Variants in FMNL3 observed in about 807,000 individuals in gnomAD.
FMNL3 encodes the protein formin like 3.
A neutral mutation model predicts 119.6 loss-of-function variants in FMNL3; 57 were observed. The ratio of observed to expected loss-of-function variants is 0.48; its 90% CI spans 0.39 to 0.59. The LOEUF (loss-of-function observed/expected upper bound fraction) is 0.59. Among genes scored for constraint, FMNL3 ranks in the 20% least tolerant of loss-of-function variants. The pLI, the probability that FMNL3 is intolerant of heterozygous loss-of-function variation, is 0.00. For synonymous variants in FMNL3, 491 were observed against 507.3 expected, an observed-to-expected ratio of 0.97 and a Z score of 0.43; for missense variants, 1,053 against 1,323.5, an observed-to-expected ratio of 0.80 and a Z score of 3.17.
chr12:49,666,426 C>A (rs1027754887), intron 2 of FMNL3, among the ~76,000 whole-genome samples: 7 of 152,268 alleles, frequency 4.6e-5, no homozygotes, highest in Admixed American at 3.3e-4. Context: ...AATTAGTGCT[C>A]CCTGAGCCTA....
chr12:49,707,101 G>A lies in FMNL3; in HGVS notation c.80C>T (p.Pro27Leu). Reference sequence around the variant, plus strand: ...CTCCAGCTCACAGGGCTCAGGCATCGGCATCTTGCCGGGCGGCAGCAACAA... The same window carrying A: ...CTCCAGCTCACAGGGCTCAGGCATCAGCATCTTGCCGGGCGGCAGCAACAA... ...VPLLLPPGKM[P>L]MPEPCELEER... Residue 27 changes from proline to leucine, a missense_variant, in exon 1 of 26, where the codon CCG (proline) becomes CTG (leucine). By Grantham distance (98) the Pro-to-Leu change is moderately conservative. Coordinates refer to ENST00000335154, the MANE Select transcript of FMNL3 (RefSeq NM_175736.5). 4 of 1,602,142 alleles carry A rather than the reference G, an allele frequency of 2.5e-6. No individual in the cohort carries two copies. The highest frequency in any genetic ancestry group is 1.1e-5 in the South Asian group (1 of 89,096).
At chr12:49,655,289 G>A (rs868660565) in intron 9 of FMNL3, among the ~76,000 whole-genome samples, 22 of 152,236 alleles carry the variant, frequency 1.4e-4, no homozygotes, top group African/African-American at 4.3e-4. Context: ...AAAATTAGCC[G>A]GGCATGGTGG....
At position 49,636,891 on chromosome 12, in the gene FMNL3, C is replaced by T; in HGVS notation, c.*8924G>A. ...TTCTAGATCAGAGCTCAGCTCTGCC[C>T]TAGAGCACAACCTCTTCACCCATTC... On this transcript the variant is annotated 3_prime_UTR_variant, in exon 26 of 26. Transcript: ENST00000335154. The T allele has an allele frequency of 6.2e-7, 1 of 1,611,542 alleles. No homozygotes were observed. The highest frequency in any genetic ancestry group is 8.5e-7 in the Non-Finnish European group (1 of 1,179,596).
intron 1 of FMNL3, among the ~76,000 whole-genome samples, chr12:49,694,539 C>CCG (rs1944699297): frequency 6.6e-6 from 1 of 152,166 alleles, no homozygotes; most frequent in African/African-American, 2.4e-5. Context: ...TCCAAAATGT[C>CCG]TGTACCGAAT....
At chr12:49,677,885 T>TG (rs1341080649) in intron 1 of FMNL3, among the ~76,000 whole-genome samples, 3 of 152,178 alleles carry the variant, frequency 2.0e-5, no homozygotes, top group Non-Finnish European at 4.4e-5. Flanking sequence ...ATTTTTGAGA[T>TG]GGAGTCTCGC....
At chr12:49,653,502 C>T (rs1001086171) in intron 12 of FMNL3, among the ~76,000 whole-genome samples, 175 bp from the exon 13 acceptor site, 4 of 152,246 alleles carry the variant, frequency 2.6e-5, no homozygotes, top group Admixed American at 6.5e-5. Context: ...CACATTCTGA[C>T]TGTCTCAAGA....
Position 49,647,917 on chromosome 12 carries a change from C to G in FMNL3, c.2677-113G>C. 1 of 910,958 alleles carries G rather than the reference C, an allele frequency of 1.1e-6. No individual in the cohort carries two copies. Among genetic ancestry groups the G allele is most frequent in the Non-Finnish European group, 1.7e-6 (1 of 601,018 alleles). The allele number at this position is 910,958 out of a possible 1,614,324, so 56.4% of individuals were successfully genotyped here. ...AGCCCAGGGCCAAAGGGAGGAAAAC[C>G]AAGCACCCAGGCCCCTGTGAGCTGG... is the stretch of plus-strand genomic sequence containing the variant. On this transcript the variant is annotated intron_variant, in intron 22 of 25. Transcript: ENST00000335154. The surrounding 1 kb of genome is among the most constrained non-coding windows in gnomAD (Gnocchi z 4.9).
In FMNL3 at chr12:49,642,960, C is replaced by G; in HGVS notation, c.*2855G>C. ...ATGCCAGCACCTCCACACCAAAGGCCGAAAGCATGGCAGGAAAGGCAAGAA... is the reference window on the plus strand; with the variant it reads ...ATGCCAGCACCTCCACACCAAAGGCGGAAAGCATGGCAGGAAAGGCAAGAA... On this transcript the variant is annotated 3_prime_UTR_variant, in exon 26 of 26. Transcript: ENST00000335154. The surrounding 1 kb of genome is among the most constrained non-coding windows in gnomAD (Gnocchi z 5.8). 6.2e-7 allele frequency: 1 copy of G among 1,613,744 alleles called. No homozygotes were observed. Among genetic ancestry groups the G allele is most frequent in the South Asian group, 1.1e-5 (1 of 90,986 alleles).
intron 1 of FMNL3, among the ~76,000 whole-genome samples, chr12:49,674,538 G>GT (rs1285516445): frequency 6.6e-6 from 1 of 152,240 alleles, no homozygotes; most frequent in Non-Finnish European, 1.5e-5. Flanking sequence ...ACAGAAGCAT[G>GT]TGAGTACAAG....
Position 49,666,255 on chromosome 12 carries a change from C to A in FMNL3, c.211-48G>T, listed in dbSNP as rs763930261. The A allele has an allele frequency of 2.3e-5, 35 of 1,526,348 alleles. No homozygotes were observed. In the South Asian group the frequency reaches 3.9e-4, roughly 17 times the overall value. 94.6% of individuals were successfully genotyped at this position (1,526,348 alleles called of 1,614,324 possible). A position where few individuals can be genotyped will look rare whatever the true frequency, so the allele number is the denominator to read the frequency against. On this transcript the variant is annotated intron_variant, in intron 2 of 25. Transcript: ENST00000335154. Reference sequence around the variant, plus strand: ...CGTATCCACAAAGACAACCAGAGACCTGAGGAGGGCACTGAGGAAGAAGAG... The same window carrying A: ...CGTATCCACAAAGACAACCAGAGACATGAGGAGGGCACTGAGGAAGAAGAG...
At chr12:49,665,215 C>T (rs1224807962) in intron 4 of FMNL3, among the ~76,000 whole-genome samples, 2 of 151,140 alleles carry the variant, frequency 1.3e-5, no homozygotes, top group Admixed American at 6.6e-5. Context: ...CCTGGTTTCC[C>T]ACTCAGGGAC....
intron 7 of FMNL3, 52 bp downstream of exon 7, chr12:49,657,030 T>C (rs1231722923): frequency 6.3e-7 from 1 of 1,580,830 alleles, no homozygotes; most frequent in Non-Finnish European, 8.7e-7. Flanking sequence ...CTCCTGGTTT[T>C]GCAGATGAGG....
In FMNL3 at chr12:49,637,106, G is replaced by GCAGCTAGGC; in HGVS notation, c.*8700_*8708dup. ...GAGAGCACCCTACAGGCATGACTTG[G>GCAGCTAGGC]CAGCTAGGCCATGTTTATTTCCCTT... On this transcript the variant is annotated 3_prime_UTR_variant, in exon 26 of 26. Coordinates refer to ENST00000335154, the MANE Select transcript of FMNL3 (RefSeq NM_175736.5). 2 of 596,894 alleles carry GCAGCTAGGC rather than the reference G, an allele frequency of 3.4e-6. No homozygotes were observed. The allele number at this position is 596,894 out of a possible 1,614,324, so 37.0% of individuals were successfully genotyped here.
chr12:49,704,710 CAA>C (rs59799899), intron 1 of FMNL3, among the ~76,000 whole-genome samples: 116 of 37,818 alleles, frequency 3.1e-3, no homozygotes, highest in South Asian at 6.8e-3. Context: ...AACTCCATCT[CAA>C]AAAAAAAAAA....
In FMNL3 at chr12:49,648,517, CAG is replaced by C. The variant is rs574233926; in HGVS notation, c.2516-166_2516-165del. Reference sequence around the variant, plus strand: ...ACACACCAAGCTAGCTGATCCCTCACAGGGGGAGGGAATGGAATGGAAACTGA... The same window carrying C: ...ACACACCAAGCTAGCTGATCCCTCACGGGGAGGGAATGGAATGGAAACTGA... On this transcript the variant is annotated intron_variant, in intron 21 of 25. Coordinates refer to ENST00000335154, the MANE Select transcript of FMNL3 (RefSeq NM_175736.5). Among the ~76,000 whole-genome samples, 204 of 152,268 alleles carry C rather than the reference CAG, an allele frequency of 1.3e-3. 1 individual carries two copies. The highest frequency in any genetic ancestry group is 4.6e-3 in the African/African-American group (190 of 41,554).
intron 6 of FMNL3, among the ~76,000 whole-genome samples, chr12:49,657,931 G>A (rs140267760): frequency 9.2e-5 from 14 of 152,286 alleles, no homozygotes; most frequent in Middle Eastern, 6.8e-3. Flanking sequence ...TTAAGACACC[G>A]CAGACAAATG....
At chr12:49,698,311 G>C (rs530087565) in intron 1 of FMNL3, among the ~76,000 whole-genome samples, 1 of 151,998 alleles carries the variant, frequency 6.6e-6, no homozygotes, top group Non-Finnish European at 1.5e-5. Flanking sequence ...AGATGGACGT[G>C]GGGGATAAGG....
chr12:49,698,504 G>T (rs1944813288), intron 1 of FMNL3, among the ~76,000 whole-genome samples: 1 of 146,272 alleles, frequency 6.8e-6, no homozygotes, highest in Non-Finnish European at 1.5e-5. Flanking sequence ...TGCAGGAGGG[G>T]AGATACTGCT....
intron 1 of FMNL3, among the ~76,000 whole-genome samples, chr12:49,689,641 A>G (rs1369031074): frequency 2.0e-5 from 3 of 152,214 alleles, no homozygotes; most frequent in Non-Finnish European, 4.4e-5. Flanking sequence ...GCTTGAGCCT[A>G]GGAGTTGGAG....
Sources: gnomAD v4.1 joint callset for allele counts (sites outside exome capture counted in the v4.1 genomes callset) on GRCh38, gnomAD v4.1.1 for gene constraint, Gnocchi (gnomAD v3.1) non-coding constraint, MANE v1.5 for transcripts, NCBI Gene and HGNC (gene_info 2026-07-23, HGNC 2026-07-21) for gene names.